Variants in COL6A1 observed in about 807,000 individuals in gnomAD.
The protein encoded by COL6A1 is collagen alpha-1(VI) chain.
A neutral mutation model predicts 145.6 loss-of-function variants in COL6A1; 80 were observed. That is an observed-to-expected ratio of 0.55 (90% CI 0.46 to 0.66). The LOEUF is 0.66. Among genes scored for constraint, COL6A1 ranks in the 30% least tolerant of loss-of-function variants. The pLI is 0.00. For missense variants in COL6A1, 1,364 were observed against 1,473.8 expected, an observed-to-expected ratio of 0.93 and a Z score of 1.22; for synonymous variants, 638 against 622.8, an observed-to-expected ratio of 1.02 and a Z score of -0.36.
chr21:45,987,401 G>A (rs889249271), intron 6 of COL6A1, 98 bp from the exon 7 acceptor site: 33 of 1,564,272 alleles, frequency 2.1e-5, no homozygotes, highest in Non-Finnish European at 2.8e-5. Flanking sequence ...CCATCCGTGT[G>A]TCCGTCTGCC....
intron 3 of COL6A1, among the ~76,000 whole-genome samples, chr21:45,985,467 GT>G (rs1251752602): frequency 6.6e-6 from 1 of 152,132 alleles, no homozygotes; most frequent in African/African-American, 2.4e-5. Flanking sequence ...AGACGGGGTG[GT>G]TTTCCCCACA....
At position 45,982,712 on chromosome 21, in the gene COL6A1, T is replaced by A; in HGVS notation, c.176T>A (p.Val59Glu). The A allele has an allele frequency of 6.2e-7, 1 of 1,612,800 alleles. No homozygotes were observed. The highest frequency in any genetic ancestry group is 8.5e-7 in the Non-Finnish European group (1 of 1,179,964). Residue 59 changes from valine to glutamate, a missense_variant, in exon 2 of 35, where the codon GTG becomes GAG. Physicochemically the swap from Val to Glu is moderately radical, Grantham distance 121. Coordinates refer to ENST00000361866, the MANE Select transcript of COL6A1 (RefSeq NM_001848.3). ...AGGCTGAAGCCCTACGGGGCCCTCGTGGACAAAGTCAAGTCCTTCACCAAG... is the reference window on the plus strand; with the variant it reads ...AGGCTGAAGCCCTACGGGGCCCTCGAGGACAAAGTCAAGTCCTTCACCAAG... ...ALRLKPYGAL[V>E]DKVKSFTKRF...
Position 45,994,319 on chromosome 21 carries a change from C to T in COL6A1, c.1398+90C>T, listed in dbSNP as rs1471698154. The stretch of plus-strand genomic sequence containing the variant: ...GCAGCTCACGCACTGGGGGTCTGTT[C>T]ATTTCCGTTTGAGGGCCTCTGTGTT... On this transcript the variant is annotated intron_variant, in intron 20 of 34. Transcript: ENST00000361866. This position sits in a 1 kb window ranked among gnomAD's most constrained non-coding sequence, Gnocchi z 6.8. The T allele has an allele frequency of 7.1e-6, 9 of 1,269,508 alleles. No homozygotes were observed. The Admixed American group carries it at 1.8e-4, about 25-fold the overall frequency. 78.6% of individuals were successfully genotyped at this position (1,269,508 alleles called of 1,614,324 possible). A position where few individuals can be genotyped will look rare whatever the true frequency, so the allele number is the denominator to read the frequency against.
chr21:46,003,775 C>G lies in COL6A1; in HGVS notation c.2849C>G (p.Ala950Gly). Residue 950 changes from alanine to glycine, a missense_variant, in exon 35 of 35, where the codon GCC becomes GGC. By Grantham distance (60) the Ala-to-Gly change is moderately conservative. Coordinates refer to ENST00000361866, the MANE Select transcript of COL6A1 (RefSeq NM_001848.3). ...LLFSDGNSQG[A>G]TPAAIEKAVQ... ...TTCTCAGATGGCAACTCGCAGGGCG[C>G]CACGCCCGCTGCCATCGAGAAGGCC... is the stretch of plus-strand genomic sequence containing the variant. 6.2e-7 allele frequency: 1 copy of G among 1,612,364 alleles called. No individual in the cohort carries two copies. Among genetic ancestry groups the G allele is most frequent in the South Asian group, 1.1e-5 (1 of 91,070 alleles).
chr21:45,990,583 G>A (rs560380793), intron 13 of COL6A1, among the ~76,000 whole-genome samples, 161 bp downstream of exon 13: 48 of 151,842 alleles, frequency 3.2e-4, no homozygotes, highest in Non-Finnish European at 1.5e-5. Context: ...GGGATGGGGT[G>A]AGGTGATCCC....
chr21:45,998,050 G>C, intron 22 of COL6A1, 71 bp from the exon 23 acceptor site: 2 of 1,570,058 alleles, frequency 1.3e-6, no homozygotes, highest in Non-Finnish European at 1.7e-6. Context: ...AGGTGCTCCC[G>C]GGCCTGTGCC....
chr21:45,986,503 T>C, intron 3 of COL6A1, 23 bp from the exon 4 acceptor site: 1 of 1,552,186 alleles, frequency 6.4e-7, no homozygotes, highest in East Asian at 2.4e-5. Context: ...TCTCGAGGTC[T>C]CACGCTGCCC....
rs767934790 is a variant in COL6A1 at position 46,004,502 on chromosome 21, T to C, written c.*489T>C. On this transcript the variant is annotated 3_prime_UTR_variant, in exon 35 of 35. Coordinates refer to ENST00000361866, the MANE Select transcript of COL6A1 (RefSeq NM_001848.3). Reference sequence around the variant, plus strand: ...CTAGCCTCCCTCTCCTCTGTCCCCATAGCTGGTTTTTCCCACCAATCCTCA... The same window carrying C: ...CTAGCCTCCCTCTCCTCTGTCCCCACAGCTGGTTTTTCCCACCAATCCTCA... 5 of 316,748 alleles carry C rather than the reference T, an allele frequency of 1.6e-5. No individual in the cohort carries two copies. The highest frequency in any genetic ancestry group is 2.6e-5 in the Non-Finnish European group (4 of 154,564). 19.6% of individuals were successfully genotyped at this position (316,748 alleles called of 1,614,324 possible). A position where few individuals can be genotyped will look rare whatever the true frequency, so the allele number is the denominator to read the frequency against.
intron 28 of COL6A1, 64 bp from the exon 29 acceptor site, chr21:46,000,695 G>T: frequency 6.2e-7 from 1 of 1,612,336 alleles, no homozygotes; most frequent in Non-Finnish European, 8.5e-7. Flanking sequence ...AAGAGTAAAA[G>T]CCTTTCTGAC....
At chr21:45,995,250 C>T (rs954730328) in intron 20 of COL6A1, among the ~76,000 whole-genome samples, 6 of 152,238 alleles carry the variant, frequency 3.9e-5, no homozygotes, top group Non-Finnish European at 8.8e-5. Context: ...AGAAAGGGCT[C>T]CCGACACCTT....
intron 18 of COL6A1, 71 bp downstream of exon 18, chr21:45,992,469 G>C: frequency 6.4e-7 from 1 of 1,559,716 alleles, no homozygotes; most frequent in South Asian, 1.2e-5. Context: ...CTGCGGCCCA[G>C]TCTGGCCCTC....
At chr21:45,983,574 C>G (rs1162998717) in intron 2 of COL6A1, among the ~76,000 whole-genome samples, 2 of 152,088 alleles carry the variant, frequency 1.3e-5, no homozygotes, top group Non-Finnish European at 2.9e-5. Flanking sequence ...GGTGGACCTT[C>G]CAGCCCACAC....
At chr21:45,986,814 T>G in intron 4 of COL6A1, 129 bp downstream of exon 4, 1 of 1,516,688 alleles carries the variant, frequency 6.6e-7, no homozygotes, top group Non-Finnish European at 8.8e-7. Context: ...CCCTTGCCCC[T>G]GAGAGGCCAG....
At chr21:45,989,702 G>T (rs769673601) in intron 10 of COL6A1, 50 bp downstream of exon 10, 8 of 1,612,960 alleles carry the variant, frequency 5.0e-6, no homozygotes, top group Middle Eastern at 1.6e-4. Context: ...CCTCAGCCTT[G>T]CACAGCACTA....
chr21:46,002,694 C>T lies in COL6A1; in HGVS notation c.2418C>T (p.Thr806=), dbSNP rs760768642. ...AGGATGCCTTCCTGAAGAATGTCAC[C>T]GCCCAGATCTGCATAGGTGCGCATG... The part of the protein sequence containing the change: ...LLEDAFLKNV[T]AQICIDKKCP... The change falls in exon 33 of 35, where the codon ACC becomes ACT. Residue 806 remains threonine (T), a synonymous_variant. Transcript: ENST00000361866. 7.7e-5 allele frequency: 124 copies of T among 1,613,276 alleles called. 1 individual carries two copies. Among genetic ancestry groups the T allele is most frequent in the Middle Eastern group, 1.6e-4 (1 of 6,084 alleles).
Position 45,998,998 on chromosome 21 carries a change from C to A in COL6A1, c.1674+39C>A. Reference sequence around the variant, plus strand: ...GGAGGCAGGGCCAGCCCCAAGTCCACCTGAGCCAGAGGGCTGGGCCCTTGA... The same window carrying A: ...GGAGGCAGGGCCAGCCCCAAGTCCAACTGAGCCAGAGGGCTGGGCCCTTGA... On this transcript the variant is annotated intron_variant, in intron 25 of 34. Transcript: ENST00000361866. 5 of 1,549,738 alleles carry A rather than the reference C, an allele frequency of 3.2e-6. No individual in the cohort carries two copies. In the South Asian group the frequency reaches 4.8e-5, roughly 15 times the overall value.
chr21:46,001,021 C>A (rs983940583), intron 29 of COL6A1: 2 of 702,412 alleles, frequency 2.8e-6, no homozygotes, highest in Non-Finnish European at 4.8e-6. Context: ...ATCATTCTGG[C>A]CCACAGGCCC....
At chr21:45,985,743 T>C (rs2077735774) in intron 3 of COL6A1, among the ~76,000 whole-genome samples, 1 of 152,172 alleles carries the variant, frequency 6.6e-6, no homozygotes, top group South Asian at 2.1e-4. Context: ...GGAGAGCCTC[T>C]CCCCGAGGTC....
At chr21:45,992,104 G>C (rs777072571) in intron 16 of COL6A1, 32 bp downstream of exon 16, 11 of 1,613,478 alleles carry the variant, frequency 6.8e-6, no homozygotes, top group Non-Finnish European at 9.3e-6. Context: ...ACACATGCCA[G>C]GTATGGGCCC....
Sources: gnomAD v4.1 joint callset for allele counts (sites outside exome capture counted in the v4.1 genomes callset) on GRCh38, gnomAD v4.1.1 for gene constraint, Gnocchi (gnomAD v3.1) non-coding constraint, MANE v1.5 for transcripts, NCBI Gene and HGNC (gene_info 2026-07-23, HGNC 2026-07-21) for gene names.